Variants in EFR3B observed in about 807,000 individuals in gnomAD.
The protein encoded by EFR3B is EFR3 homolog B.
Under a neutral mutation model 104.7 loss-of-function variants are expected in EFR3B, and 64 were observed. The ratio of observed to expected loss-of-function variants is 0.61; its 90% confidence interval spans 0.50 to 0.75. The LOEUF is 0.75. Ranked by LOEUF, EFR3B falls within the 30% of genes least tolerant of loss-of-function variation. The pLI, the probability that EFR3B is intolerant of heterozygous loss-of-function variation, is 0.00. For missense variants in EFR3B, 750 were observed against 1,078.5 expected (o/e 0.70, Z 4.27); for synonymous variants, 385 against 417.9 (o/e 0.92, Z 0.96).
chr2:25,153,994 G>A (rs1671091387), intron 22 of EFR3B, among the ~76,000 whole-genome samples: 1 of 152,200 alleles, frequency 6.6e-6, no homozygotes, highest in Admixed American at 6.5e-5. Flanking sequence ...AGACGCAAGA[G>A]TCCTAGTGTT....
chr2:25,118,182 T>A (rs970326370), intron 4 of EFR3B, among the ~76,000 whole-genome samples: 5 of 151,918 alleles, frequency 3.3e-5, no homozygotes, highest in Admixed American at 6.6e-5. Flanking sequence ...GGTTTCACCC[T>A]GTTGTCCGGG....
chr2:25,053,465 G>A (rs528718254), intron 1 of EFR3B, among the ~76,000 whole-genome samples: 1 of 152,204 alleles, frequency 6.6e-6, no homozygotes, highest in African/African-American at 2.4e-5. Context: ...CACCACCAAG[G>A]CTGGGCCACA....
At chr2:25,071,857 A>G (rs1417766451) in intron 1 of EFR3B, among the ~76,000 whole-genome samples, 2 of 152,146 alleles carry the variant, frequency 1.3e-5, no homozygotes, top group Admixed American at 6.5e-5. Flanking sequence ...TGTGCCTGTG[A>G]TTAGCAGGTG....
chr2:25,106,674 G>A (rs1251467996), intron 4 of EFR3B, among the ~76,000 whole-genome samples: 1 of 151,932 alleles, frequency 6.6e-6, no homozygotes, highest in African/African-American at 2.4e-5. Context: ...AACTCCTGAT[G>A]TCAAGTGATC....
intron 1 of EFR3B, among the ~76,000 whole-genome samples, chr2:25,062,851 C>G (rs1668232929): frequency 6.6e-6 from 1 of 152,236 alleles, no homozygotes; most frequent in African/African-American, 2.4e-5. Context: ...CCTGACTCTC[C>G]TAGGCCTCCG....
chr2:25,114,384 A>C lies in EFR3B; in HGVS notation c.364-7289A>C, dbSNP rs1239052895. 6.6e-6 allele frequency among the ~76,000 whole-genome samples: 1 copy of C among 152,154 alleles called. No individual in the cohort carries two copies. Among genetic ancestry groups the C allele is most frequent in the East Asian group, 1.9e-4 (1 of 5,184 alleles). The stretch of plus-strand genomic sequence containing the variant: ...CATCTCCCCACAAGCTGTCAAACCA[A>C]GGGATCCTAAGGAGGCTCGAGATCC... On this transcript the variant is annotated intron_variant, in intron 4 of 22. Transcript: ENST00000403714. The surrounding 1 kb of genome is among the most constrained non-coding windows in gnomAD (Gnocchi z 4.0).
chr2:25,059,775 C>T (rs778735151), intron 1 of EFR3B, among the ~76,000 whole-genome samples: 6 of 148,678 alleles, frequency 4.0e-5, no homozygotes, highest in African/African-American at 1.2e-4. Flanking sequence ...CTCGGGAGGC[C>T]GAGGCAGGAG....
intron 1 of EFR3B, among the ~76,000 whole-genome samples, chr2:25,088,677 A>G (rs1184512882): frequency 6.6e-6 from 1 of 152,124 alleles, no homozygotes; most frequent in Non-Finnish European, 1.5e-5. Context: ...CATGTGGGAT[A>G]GCCCTAGCCC....
chr2:25,062,502 G>A (rs1184420550), intron 1 of EFR3B, among the ~76,000 whole-genome samples: 1 of 152,208 alleles, frequency 6.6e-6, no homozygotes, highest in Admixed American at 6.5e-5. Flanking sequence ...CAATCCCAGG[G>A]CTGTTTTGCA....
At chr2:25,103,252 G>A (rs1227872361) in intron 3 of EFR3B, among the ~76,000 whole-genome samples, 3 of 152,160 alleles carry the variant, frequency 2.0e-5, no homozygotes, top group South Asian at 2.1e-4. Context: ...GTGGGCACTC[G>A]ATAAATACTT....
chr2:25,097,099 T>A (rs1317927547), intron 3 of EFR3B, among the ~76,000 whole-genome samples: 1 of 152,200 alleles, frequency 6.6e-6, no homozygotes, highest in Non-Finnish European at 1.5e-5. Context: ...TCACTGGCTG[T>A]CTCTGCAGTG....
intron 1 of EFR3B, among the ~76,000 whole-genome samples, chr2:25,069,771 A>C (rs1267042823): frequency 5.9e-5 from 9 of 152,204 alleles, no homozygotes; most frequent in Admixed American, 5.9e-4. Flanking sequence ...ATCTTGGCTC[A>C]CTGCAACCTC....
chr2:25,145,076 G>T, intron 19 of EFR3B, 25 bp downstream of exon 19: 1 of 1,549,276 alleles, frequency 6.5e-7, no homozygotes, highest in Non-Finnish European at 8.7e-7. Flanking sequence ...CACCGTCCTG[G>T]GGCAGCCCCA....
At chr2:25,044,412 TAG>T (rs1667662542) in intron 1 of EFR3B, among the ~76,000 whole-genome samples, 1 of 152,080 alleles carries the variant, frequency 6.6e-6, no homozygotes. Flanking sequence ...CAGAAGTCAA[TAG>T]AGTGATGAAA....
At chr2:25,056,780 C>T (rs1668033599) in intron 1 of EFR3B, among the ~76,000 whole-genome samples, 1 of 152,126 alleles carries the variant, frequency 6.6e-6, no homozygotes, top group African/African-American at 2.4e-5. Context: ...TCTCCTCTCC[C>T]CCAGACAGCA....
chr2:25,090,410 A>G (rs752478894), intron 1 of EFR3B, among the ~76,000 whole-genome samples: 11 of 152,354 alleles, frequency 7.2e-5, no homozygotes, highest in Middle Eastern at 3.4e-3. Flanking sequence ...GCCAACTTCT[A>G]ATTTTGCCAG....
rs545154984 is a variant in EFR3B, at chr2:25,132,280, C to A, written c.1147+369C>A. ...TCTCAGATCTGAAGTCTCAGGCGAA[C>A]CTTCTTTAGTCCCAGTCACCATCAG... On this transcript the variant is annotated intron_variant, in intron 10 of 22. Transcript: ENST00000403714. Among the ~76,000 whole-genome samples the A allele has an allele frequency of 1.4e-3, 207 of 152,276 alleles. 1 individual carries two copies. The highest frequency in any genetic ancestry group is 4.6e-3 in the African/African-American group (193 of 41,570).
chr2:25,152,675 A>G (rs1205112442), intron 21 of EFR3B, among the ~76,000 whole-genome samples: 1 of 152,180 alleles, frequency 6.6e-6, no homozygotes, highest in African/African-American at 2.4e-5. Flanking sequence ...AATTGATTCT[A>G]TGCCGGGATT....
At chr2:25,049,339 C>T (rs1289499668) in intron 1 of EFR3B, among the ~76,000 whole-genome samples, 1 of 152,092 alleles carries the variant, frequency 6.6e-6, no homozygotes, top group Non-Finnish European at 1.5e-5. Context: ...TTGCTGTCTG[C>T]TCTGTGTTTG....
Sources: allele counts gnomAD v4.1 joint callset (sites outside exome capture counted in the v4.1 genomes callset), GRCh38; gene constraint gnomAD v4.1.1; non-coding constraint Gnocchi (gnomAD v3.1); transcripts MANE v1.5; gene names NCBI Gene and HGNC (gene_info 2026-07-23, HGNC 2026-07-21).